Variants in PARP4 observed in about 807,000 individuals in gnomAD.
PARP4 encodes the protein poly(ADP-ribose) polymerase family member 4, also known as protein mono-ADP-ribosyltransferase PARP4.
Under a neutral mutation model 187.7 loss-of-function variants are expected in PARP4, and 120 were observed. The observed-to-expected ratio is 0.64, with a 90% CI of 0.55 to 0.74. The LOEUF (loss-of-function observed/expected upper bound fraction) is 0.74, where lower values mean the gene tolerates loss of function less well. PARP4 is among the 30% of genes least tolerant of loss of function. The pLI, the probability that PARP4 is intolerant of heterozygous loss-of-function variation, is 0.00. For synonymous variants in PARP4, 654 were observed against 740.9 expected (o/e 0.88, Z 1.90); for missense variants, 1,836 against 2,070.5 (o/e 0.89, Z 2.20).
At chr13:24,461,765 T>C (rs910994691) in intron 17 of PARP4, among the ~76,000 whole-genome samples, 1 of 152,122 alleles carries the variant, frequency 6.6e-6, no homozygotes, top group Non-Finnish European at 1.5e-5. Flanking sequence ...AGCCTCCAGC[T>C]GCTGGGGGAA....
chr13:24,492,895 C>A lies in PARP4; in HGVS notation c.880-301G>T, dbSNP rs1335135443. Among the ~76,000 whole-genome samples the A allele has an allele frequency of 2.0e-5, 3 of 152,182 alleles. No individual in the cohort carries two copies. The East Asian group carries it at 5.8e-4, about 29-fold the overall frequency. On this transcript the variant is annotated intron_variant, in intron 8 of 33. Transcript: ENST00000381989. ...CACAGAGAGAGAAACACTAATGCAACTGTGATAGACTTGCTTTTCACATGA... is the reference window on the plus strand; with the variant it reads ...CACAGAGAGAGAAACACTAATGCAAATGTGATAGACTTGCTTTTCACATGA...
At position 24,435,116 on chromosome 13, in the gene PARP4, G is replaced by A. The variant is rs1372429925; in HGVS notation, c.4025C>T (p.Ala1342Val). The A allele has an allele frequency of 1.2e-6, 2 of 1,614,072 alleles. No homozygotes were observed. The highest frequency in any genetic ancestry group is 1.7e-6 in the Non-Finnish European group (2 of 1,180,046). ...GAAACTAGCTACCTGACGATATGAG[G>A]CAAAAGACAAGGAAGCAGGACTGTG... ...RAHSPASLSFASYRQVASFGS... is the reference protein window; with the variant it reads ...RAHSPASLSFVSYRQVASFGS... The change falls in exon 31 of 34, where the codon GCC becomes GTC. Residue 1342 changes from alanine (A) to valine (V), a missense_variant. By Grantham distance (64) the Ala-to-Val change is moderately conservative. Coordinates refer to ENST00000381989, the MANE Select transcript of PARP4 (RefSeq NM_006437.4).
At chr13:24,422,279 T>C (rs1317423257) in intron 33 of PARP4, among the ~76,000 whole-genome samples, 1 of 152,206 alleles carries the variant, frequency 6.6e-6, no homozygotes, top group Non-Finnish European at 1.5e-5. Flanking sequence ...TAGTCCCTAG[T>C]GCACAGTAGG....
chr13:24,506,859 G>A (rs775933992), intron 1 of PARP4, among the ~76,000 whole-genome samples: 3 of 152,214 alleles, frequency 2.0e-5, no homozygotes, highest in Non-Finnish European at 4.4e-5. Flanking sequence ...ACCGGGCGCC[G>A]GCCGCGCTCC....
chr13:24,497,700 C>A (rs1869030229), intron 6 of PARP4, among the ~76,000 whole-genome samples: 1 of 152,142 alleles, frequency 6.6e-6, no homozygotes, highest in African/African-American at 2.4e-5. Context: ...ACCTCAACAA[C>A]GGGATTGTGT....
intron 15 of PARP4, among the ~76,000 whole-genome samples, chr13:24,472,894 T>G (rs1282002749): frequency 1.0e-4 from 4 of 39,032 alleles, no homozygotes; most frequent in South Asian, 2.7e-3. Context: ...ACCCTGAGTT[T>G]TTTTTTTTTT....
chr13:24,453,156 GA>G (rs535076518), intron 23 of PARP4, among the ~76,000 whole-genome samples: 22 of 152,122 alleles, frequency 1.4e-4, no homozygotes, highest in Middle Eastern at 3.4e-3. Context: ...GGTTGGTCTC[GA>G]ATTCCTGACC....
In PARP4 at chr13:24,512,721, A is replaced by T. The variant is rs1338268698; in HGVS notation, c.-17T>A. 1 of 152,366 alleles carries T rather than the reference A, an allele frequency of 6.6e-6. No homozygotes were observed. The highest frequency in any genetic ancestry group is 2.1e-4 in the South Asian group (1 of 4,836). The allele number at this position is 152,366 out of a possible 1,614,324, so 9.4% of individuals were successfully genotyped here. A position where few individuals can be genotyped will look rare whatever the true frequency, so the allele number is the denominator to read the frequency against. ...GCCCACGCACCTGCCTAGAGGATCC[A>T]GCTAGCTCCGGACGCTCCCCGATTC... On this transcript the variant is annotated 5_prime_UTR_variant, in exon 1 of 34. Transcript: ENST00000381989.
chr13:24,497,092 G>A (rs1330358466), intron 6 of PARP4, among the ~76,000 whole-genome samples: 4 of 152,150 alleles, frequency 2.6e-5, no homozygotes, highest in African/African-American at 9.7e-5. Context: ...ATCCTGGTGG[G>A]TGTTGCAGCA....
At chr13:24,485,680 C>T (rs1873515669) in intron 11 of PARP4, among the ~76,000 whole-genome samples, 1 of 152,116 alleles carries the variant, frequency 6.6e-6, no homozygotes, top group South Asian at 2.1e-4. Flanking sequence ...ATAAACAACT[C>T]ATGTTGTCTG....
At chr13:24,482,585 C>G (rs1438928205) in intron 12 of PARP4, among the ~76,000 whole-genome samples, 1 of 152,158 alleles carries the variant, frequency 6.6e-6, no homozygotes, top group Non-Finnish European at 1.5e-5. Flanking sequence ...AAGACAATGG[C>G]TCACTGAAGG....
intron 16 of PARP4, 126 bp downstream of exon 16, chr13:24,469,768 A>G: frequency 1.0e-6 from 1 of 974,762 alleles, no homozygotes; most frequent in African/African-American, 1.6e-5. Context: ...TTCAAAGAAT[A>G]TTCTCGTTTT....
At chr13:24,468,963 T>C in intron 17 of PARP4, 61 bp downstream of exon 17, 1 of 1,141,436 alleles carries the variant, frequency 8.8e-7, no homozygotes, top group South Asian at 1.2e-5. Flanking sequence ...TCGTATTTCA[T>C]ATCTTGTTCT....
At chr13:24,505,860 G>A (rs966460152) in intron 1 of PARP4, among the ~76,000 whole-genome samples, 4 of 152,218 alleles carry the variant, frequency 2.6e-5, no homozygotes, top group Admixed American at 6.5e-5. Context: ...TCGCGGTTCC[G>A]GGTCCTGTGT....
intron 1 of PARP4, among the ~76,000 whole-genome samples, chr13:24,512,362 G>C (rs989123260): frequency 6.6e-6 from 1 of 152,208 alleles, no homozygotes; most frequent in African/African-American, 2.4e-5. Context: ...AAGGCCGTTT[G>C]GCATACTGGA....
At chr13:24,491,010 T>C (rs1868612251) in intron 9 of PARP4, among the ~76,000 whole-genome samples, 182 bp from the exon 10 acceptor site, 1 of 152,194 alleles carries the variant, frequency 6.6e-6, no homozygotes, top group African/African-American at 2.4e-5. Flanking sequence ...GGCATGACCA[T>C]AGCTCATTGC....
Position 24,475,530 on chromosome 13 carries a change from T to C in PARP4, c.1856A>G (p.Asn619Ser). ...TKAGLQDASG[N>S]LVPLEDVHIK... is the part of the protein sequence containing the mutation. Reference sequence around the variant, plus strand: ...GTGGACATCCTCCAGAGGAACCAAGTTCCCAGAGGCATCCTGGAGGCCGGC... The same window carrying C: ...GTGGACATCCTCCAGAGGAACCAAGCTCCCAGAGGCATCCTGGAGGCCGGC... Residue 619 changes from asparagine (N) to serine (S), a missense_variant, in exon 15 of 34, where the codon AAC becomes AGC. By Grantham distance (46) the Asn-to-Ser change is conservative. Coordinates refer to ENST00000381989, the MANE Select transcript of PARP4 (RefSeq NM_006437.4). 1 of 1,613,934 alleles carries C rather than the reference T, an allele frequency of 6.2e-7. No individual in the cohort carries two copies. The highest frequency in any genetic ancestry group is 8.5e-7 in the Non-Finnish European group (1 of 1,179,802).
chr13:24,449,181 G>A (rs1871368527), intron 25 of PARP4, among the ~76,000 whole-genome samples: 5 of 152,224 alleles, frequency 3.3e-5, no homozygotes, highest in Non-Finnish European at 5.9e-5. Context: ...GAGGTCAGGA[G>A]ATCAAGACCA....
chr13:24,429,141 C>T (rs544893000), intron 32 of PARP4, among the ~76,000 whole-genome samples: 1 of 152,148 alleles, frequency 6.6e-6, no homozygotes, highest in Non-Finnish European at 1.5e-5. Flanking sequence ...ATTGCAGATA[C>T]TATATTTTCC....
Sources: allele counts gnomAD v4.1 joint callset (sites outside exome capture counted in the v4.1 genomes callset), GRCh38; gene constraint gnomAD v4.1.1; transcripts MANE v1.5; gene names NCBI Gene and HGNC (gene_info 2026-07-23, HGNC 2026-07-21).